The following FGGY variants were observed in gnomAD, a reference collection of about 807,000 sequenced individuals.
FGGY encodes the protein FGGY carbohydrate kinase domain containing.
Under a neutral mutation model 71.3 loss-of-function variants are expected in FGGY, and 72 were observed. The observed-to-expected ratio is 1.01, with a 90% CI of 0.84 to 1.23. The LOEUF (loss-of-function observed/expected upper bound fraction) is 1.23. FGGY is among the 50% of genes most tolerant of loss of function. The pLI is 0.00. For missense variants in FGGY, 668 were observed against 682.3 expected (o/e 0.98, Z 0.23); for synonymous variants, 251 against 250.3 (o/e 1.00, Z -0.02).
intron 4 of FGGY, among the ~76,000 whole-genome samples, chr1:59,367,814 C>A (rs2056836397): frequency 6.6e-6 from 1 of 152,178 alleles, no homozygotes; most frequent in Non-Finnish European, 1.5e-5. Flanking sequence ...ACTGCCCTAC[C>A]TCCGCCCTCT....
intron 14 of FGGY, among the ~76,000 whole-genome samples, chr1:59,681,469 G>A (rs552262550): frequency 1.3e-5 from 2 of 152,138 alleles, no homozygotes; most frequent in Non-Finnish European, 1.5e-5. Flanking sequence ...AGGTTTACCT[G>A]TTTGACTTGA....
At chr1:59,627,236 G>T (rs1266433083) in intron 10 of FGGY, among the ~76,000 whole-genome samples, 1 of 151,672 alleles carries the variant, frequency 6.6e-6, no homozygotes, top group African/African-American at 2.4e-5. Context: ...TATGCCATAT[G>T]GCTAAAGAGA....
chr1:59,734,788 G>A (rs946327343), intron 14 of FGGY, among the ~76,000 whole-genome samples: 14 of 152,124 alleles, frequency 9.2e-5, no homozygotes, highest in Admixed American at 1.3e-4. Flanking sequence ...GGAAGGCCTC[G>A]GGAGCTGGTT....
At chr1:59,455,987 T>A (rs529356193) in intron 5 of FGGY, among the ~76,000 whole-genome samples, 82 of 152,344 alleles carry the variant, frequency 5.4e-4, no homozygotes, top group African/African-American at 1.5e-3. Flanking sequence ...AGCGTTCAAG[T>A]CTTCCTCCTA....
chr1:59,655,300 G>T (rs1223563571), intron 11 of FGGY, among the ~76,000 whole-genome samples: 1 of 152,206 alleles, frequency 6.6e-6, no homozygotes, highest in Non-Finnish European at 1.5e-5. Flanking sequence ...TGGGATACAT[G>T]TGAAGAACGT....
At chr1:59,312,738 G>T (rs546595603) in intron 1 of FGGY, among the ~76,000 whole-genome samples, 1 of 152,224 alleles carries the variant, frequency 6.6e-6, no homozygotes, top group African/African-American at 2.4e-5. Context: ...TGTTTCCCTT[G>T]TGACTGCTGT....
chr1:59,316,049 C>G (rs1321609515), intron 1 of FGGY: 3 of 152,146 alleles, frequency 2.0e-5, no homozygotes, highest in Non-Finnish European at 4.4e-5. Context: ...CATCTTAGAG[C>G]ATGTAAAAAT....
intron 7 of FGGY, among the ~76,000 whole-genome samples, chr1:59,521,500 C>T (rs1189876681): frequency 6.6e-6 from 1 of 152,152 alleles, no homozygotes; most frequent in African/African-American, 2.4e-5. Context: ...TCTTGTGCCA[C>T]ACGTCAGTGT....
chr1:59,384,443 A>G (rs1014411413), intron 5 of FGGY, among the ~76,000 whole-genome samples: 2 of 152,196 alleles, frequency 1.3e-5, no homozygotes, highest in African/African-American at 2.4e-5. Context: ...AGGTGAAACA[A>G]GGAACCCCTC....
intron 14 of FGGY, chr1:59,697,776 G>A: frequency 8.9e-7 from 1 of 1,124,820 alleles, no homozygotes; most frequent in Non-Finnish European, 1.2e-6. Flanking sequence ...ATTGCATGCT[G>A]TGCCCCTCCA....
chr1:59,599,383 A>C (rs1433571170), intron 8 of FGGY, among the ~76,000 whole-genome samples: 1 of 151,916 alleles, frequency 6.6e-6, no homozygotes, highest in Non-Finnish European at 1.5e-5. Flanking sequence ...TGGGTTATGC[A>C]TGTTCTTAAA....
intron 8 of FGGY, among the ~76,000 whole-genome samples, chr1:59,606,654 G>A (rs56275301): frequency 0.1 from 15,221 of 152,168 alleles, 869 homozygotes; most frequent in South Asian, 0.29. Flanking sequence ...ATGCTGACAG[G>A]GAGATAAAGC....
rs371646354 is a variant in FGGY at position 59,554,034 on chromosome 1, AAAG to A, written c.800-85_800-83del. Reference sequence around the variant, plus strand: ...TTCCTCCATGTTGTTTGACTATTAAAAAGAAGATTTGTTAATGCTTGTTTTTAG... The same window carrying A: ...TTCCTCCATGTTGTTTGACTATTAAAAAGATTTGTTAATGCTTGTTTTTAG... On this transcript the variant is annotated intron_variant, in intron 7 of 15. Coordinates refer to ENST00000303721, the MANE Select transcript of FGGY (RefSeq NM_018291.5). 512 of 1,052,268 alleles carry A rather than the reference AAAG, an allele frequency of 4.9e-4. 3 individuals carry two copies. Among genetic ancestry groups the A allele is most frequent in the Middle Eastern group, 4.4e-3 (19 of 4,312 alleles). The allele number at this position is 1,052,268 out of a possible 1,614,324, so 65.2% of individuals were successfully genotyped here.
chr1:59,327,384 T>TAAG (rs1339260488), intron 2 of FGGY, among the ~76,000 whole-genome samples: 1 of 152,216 alleles, frequency 6.6e-6, no homozygotes, highest in Non-Finnish European at 1.5e-5. Context: ...TGTTCATCCA[T>TAAG]AAGAAGCAGC....
At chr1:59,577,911 C>G (rs1156394016) in intron 8 of FGGY, among the ~76,000 whole-genome samples, 1 of 152,138 alleles carries the variant, frequency 6.6e-6, no homozygotes, top group Non-Finnish European at 1.5e-5. Flanking sequence ...CATACACACT[C>G]TCTGTTTCAG....
intron 11 of FGGY, among the ~76,000 whole-genome samples, chr1:59,644,013 T>C (rs1212496522): frequency 6.6e-6 from 1 of 152,198 alleles, no homozygotes; most frequent in Non-Finnish European, 1.5e-5. Flanking sequence ...GGTTTCATAG[T>C]GAACCATGTT....
intron 6 of FGGY, among the ~76,000 whole-genome samples, chr1:59,484,095 C>G: frequency 6.6e-6 from 1 of 152,102 alleles, no homozygotes; most frequent in East Asian, 1.9e-4. Context: ...CTTCCTTTTA[C>G]AGATATGGAA....
chr1:59,475,717 G>A (rs892725747), intron 6 of FGGY, among the ~76,000 whole-genome samples: 2 of 152,168 alleles, frequency 1.3e-5, no homozygotes, highest in African/African-American at 4.8e-5. Flanking sequence ...CCCGGAATGA[G>A]GCATTCCTGC....
intron 6 of FGGY, among the ~76,000 whole-genome samples, chr1:59,485,099 A>T (rs1174332582): frequency 2.6e-5 from 4 of 152,300 alleles, no homozygotes; most frequent in African/African-American, 9.6e-5. Context: ...TGTGAACCCC[A>T]AAGCTTTGAA....
Sources: gnomAD v4.1 joint callset for allele counts (sites outside exome capture counted in the v4.1 genomes callset) on GRCh38, gnomAD v4.1.1 for gene constraint, MANE v1.5 for transcripts, NCBI Gene and HGNC (gene_info 2026-07-23, HGNC 2026-07-21) for gene names.